The following CELF1 variants were observed in gnomAD, a reference collection of about 807,000 sequenced individuals.
The protein encoded by CELF1 is 50 kDa nuclear polyadenylated RNA-binding protein.
A neutral mutation model predicts 61.8 loss-of-function variants in CELF1; 10 were observed. The observed-to-expected ratio is 0.16, with a 90% CI of 0.10 to 0.27. The LOEUF (loss-of-function observed/expected upper bound fraction) is 0.27. Among genes scored for constraint, CELF1 ranks in the 10% least tolerant of loss-of-function variants. The pLI is 1.00. For missense variants in CELF1, 380 were observed against 639.1 expected (o/e 0.59, Z 4.37); for synonymous variants, 236 against 225.1 (o/e 1.05, Z -0.43).
intron 9 of CELF1, among the ~76,000 whole-genome samples, chr11:47,479,942 T>TC (rs1230333776): frequency 8.6e-5 from 13 of 151,374 alleles, no homozygotes; most frequent in African/African-American, 3.2e-4. Context: ...ATACACCCTT[T>TC]CCCCCCGCTT....
Position 47,489,935 on chromosome 11 carries a change from GT to G in CELF1, c.72-912del, listed in dbSNP as rs561900704. On this transcript the variant is annotated intron_variant, in intron 3 of 14. Coordinates refer to ENST00000687097, the MANE Select transcript of CELF1 (RefSeq NM_001376376.1). ...GTTTCCACTCAGAACATACCATCTT[GT>G]TTTTTTTTTTTTTTTTTTTGAGACG... Among the ~76,000 whole-genome samples the G allele has an allele frequency of 0.01, 495 of 48,220 alleles. 22 individuals are homozygous for G. In the East Asian group the frequency reaches 0.14, roughly 14 times the overall value. The allele number at this position is 48,220 out of a possible 152,430, so 31.6% of individuals were successfully genotyped here.
chr11:47,489,935 G>GTTTTGTTTTTTTTTTTTTTT (rs2090221098), intron 3 of CELF1, among the ~76,000 whole-genome samples: 1 of 48,226 alleles, frequency 2.1e-5, no homozygotes, highest in Non-Finnish European at 3.9e-5. Context: ...ATACCATCTT[G>GTTTTGTTTTTTTTTTTTTTT]TTTTTTTTTT....
At chr11:47,531,482 T>C (rs763751424) in intron 1 of CELF1, among the ~76,000 whole-genome samples, 1 of 151,978 alleles carries the variant, frequency 6.6e-6, no homozygotes, top group Admixed American at 6.6e-5. Context: ...GGTAGGAGAA[T>C]TGCTTGAATC....
intron 4 of CELF1, 109 bp downstream of exon 4, chr11:47,488,728 A>C (rs2089303983): frequency 1.3e-6 from 1 of 784,836 alleles, no homozygotes; most frequent in Non-Finnish European, 1.9e-6. Flanking sequence ...ACATGAAAGA[A>C]ATTACATATA....
chr11:47,554,874 G>A (rs2097200629), upstream of CELF1, among the ~76,000 whole-genome samples: 1 of 152,050 alleles, frequency 6.6e-6, no homozygotes. Flanking sequence ...CTGTTGGTCA[G>A]GCTGGTCTCA....
Position 47,469,821 on chromosome 11 carries a change from T to G in CELF1, c.*2409A>C, listed in dbSNP as rs948632574. ...ATTGCACCTTGGCCTCTTATGTCAT[T>G]AGGAAAGGGGTTTCATAAGGTCCCA... On this transcript the variant is annotated 3_prime_UTR_variant, in exon 15 of 15. Coordinates refer to ENST00000687097, the MANE Select transcript of CELF1 (RefSeq NM_001376376.1). 1.3e-5 allele frequency: 2 copies of G among 152,192 alleles called. No homozygotes were observed. The highest frequency in any genetic ancestry group is 2.9e-5 in the Non-Finnish European group (2 of 68,058). The allele number at this position is 152,192 out of a possible 1,614,324, so 9.4% of individuals were successfully genotyped here.
chr11:47,542,949 G>A (rs913481083), intron 1 of CELF1, among the ~76,000 whole-genome samples: 2 of 151,712 alleles, frequency 1.3e-5, no homozygotes, highest in Admixed American at 1.3e-4. Flanking sequence ...GAGAGATCCC[G>A]TCTCTACAAA....
chr11:47,540,859 T>C (rs779214815), intron 1 of CELF1, among the ~76,000 whole-genome samples: 1 of 151,764 alleles, frequency 6.6e-6, no homozygotes, highest in Non-Finnish European at 1.5e-5. Flanking sequence ...GACTCCAGCC[T>C]GGGCGACAGA....
At chr11:47,536,797 G>C (rs2096640934) in intron 1 of CELF1, among the ~76,000 whole-genome samples, 2 of 152,100 alleles carry the variant, frequency 1.3e-5, no homozygotes, top group African/African-American at 4.8e-5. Flanking sequence ...ACTTGTAAAT[G>C]TATGCAGAGA....
intron 3 of CELF1, chr11:47,495,964 A>G (rs1207821643): frequency 1.0e-6 from 1 of 985,248 alleles, no homozygotes; most frequent in African/African-American, 1.7e-5. Context: ...CCTCCCCAGC[A>G]GGCAAAAATA....
Position 47,467,613 on chromosome 11 carries a change from C to T in CELF1, c.*4617G>A, listed in dbSNP as rs2076891523. ...TCCTACGGGTGATTGGGAGCGCCCT[C>T]CTTCCTCCAGGTGCTCACTGCCCCT... On this transcript the variant is annotated 3_prime_UTR_variant, in exon 15 of 15. Transcript: ENST00000687097. 6.6e-6 allele frequency: 1 copy of T among 152,308 alleles called. No individual in the cohort carries two copies. The highest frequency in any genetic ancestry group is 1.5e-5 in the Non-Finnish European group (1 of 68,122). The allele number at this position is 152,308 out of a possible 1,614,324, so 9.4% of individuals were successfully genotyped here. A position where few individuals can be genotyped will look rare whatever the true frequency, so the allele number is the denominator to read the frequency against.
chr11:47,484,606 G>A (rs1424397221), intron 6 of CELF1, 83 bp from the exon 7 acceptor site: 7 of 1,183,110 alleles, frequency 5.9e-6, no homozygotes, highest in Non-Finnish European at 8.5e-6. Flanking sequence ...GACCGCCTGG[G>A]TTTGAATCCT....
At chr11:47,494,368 C>T in intron 3 of CELF1, 2 of 983,292 alleles carry the variant, frequency 2.0e-6, no homozygotes, top group Non-Finnish European at 2.4e-6. Flanking sequence ...CTTCTGCTGC[C>T]ATTATTAAGA....
intron 1 of CELF1, among the ~76,000 whole-genome samples, chr11:47,511,350 A>AAAACCTCTTGGGAAATATGAGG (rs150812394): frequency 2.6e-4 from 1 of 3,912 alleles, no homozygotes; most frequent in Admixed American, 2.3e-3. Flanking sequence ...GGCCCTCAGG[A>AAAACCTCTTGGGAAATATGAGG]TAACCTCTTG....
At chr11:47,490,007 C>T (rs2090548135) in intron 3 of CELF1, among the ~76,000 whole-genome samples, 1 of 128,948 alleles carries the variant, frequency 7.8e-6, no homozygotes, top group South Asian at 2.6e-4. Context: ...GGCCTGATCT[C>T]AGCTCATGGC....
Position 47,499,564 on chromosome 11 carries a change from C to A in CELF1, c.-41G>T, listed in dbSNP as rs1484284730. On this transcript the variant is annotated 5_prime_UTR_variant, in exon 3 of 15. Coordinates refer to ENST00000687097, the MANE Select transcript of CELF1 (RefSeq NM_001376376.1). ...TTCAGAAGCCAATGATATTAACTTG[C>A]TGCACTTGTCTGATCCACAAATACA... 6.9e-7 allele frequency: 1 copy of A among 1,452,944 alleles called. No individual in the cohort carries two copies. Among genetic ancestry groups the A allele is most frequent in the South Asian group, 1.2e-5 (1 of 82,272 alleles). 90.0% of individuals were successfully genotyped at this position (1,452,944 alleles called of 1,614,324 possible).
intron 3 of CELF1, among the ~76,000 whole-genome samples, chr11:47,489,935 G>GTTTTTTCTTTTTTTTTTTTTTTTTTT (rs1555170256): frequency 2.1e-5 from 1 of 48,226 alleles, no homozygotes; most frequent in Non-Finnish European, 3.9e-5. Flanking sequence ...ATACCATCTT[G>GTTTTTTCTTTTTTTTTTTTTTTTTTT]TTTTTTTTTT....
chr11:47,494,827 T>A lies in CELF1; in HGVS notation c.71+4626A>T, dbSNP rs1313807432. Among the ~76,000 whole-genome samples, 5 of 152,248 alleles carry A rather than the reference T, an allele frequency of 3.3e-5. No individual in the cohort carries two copies. In the South Asian group the frequency reaches 1.0e-3, roughly 31 times the overall value. On this transcript the variant is annotated intron_variant, in intron 3 of 14. Coordinates refer to ENST00000687097, the MANE Select transcript of CELF1 (RefSeq NM_001376376.1). ...TAGCCACTAGCCACAAGTGGCTATTTAAACTTAATTTAAAAAACTAAGTTC... is the reference window on the plus strand; with the variant it reads ...TAGCCACTAGCCACAAGTGGCTATTAAAACTTAATTTAAAAAACTAAGTTC...
chr11:47,496,807 A>C (rs998559645), intron 3 of CELF1, among the ~76,000 whole-genome samples: 2 of 152,234 alleles, frequency 1.3e-5, no homozygotes, highest in African/African-American at 4.8e-5. Flanking sequence ...AAGCTGACTA[A>C]GAATAAAGAG....
Sources: allele counts gnomAD v4.1 joint callset (sites outside exome capture counted in the v4.1 genomes callset), GRCh38; gene constraint gnomAD v4.1.1; transcripts MANE v1.5; gene names NCBI Gene and HGNC (gene_info 2026-07-23, HGNC 2026-07-21).